CCDC85A: variants seen among roughly 807,000 people sequenced by gnomAD.
CCDC85A encodes coiled-coil domain containing 85A.
A neutral mutation model predicts 50.2 loss-of-function variants in CCDC85A; 38 were observed. The ratio of observed to expected loss-of-function variants is 0.76; its 90% CI spans 0.58 to 0.99. The LOEUF (loss-of-function observed/expected upper bound fraction) is 0.99. Ranked by LOEUF, CCDC85A falls within the 50% of genes least tolerant of loss-of-function variation. The pLI, the probability that CCDC85A is intolerant of heterozygous loss-of-function variation, is 0.00. For missense variants in CCDC85A, 820 were observed against 742.0 expected (o/e 1.11, Z -1.22); for synonymous variants, 366 against 301.4 (o/e 1.21, Z -2.22).
intron 2 of CCDC85A, among the ~76,000 whole-genome samples, chr2:56,196,138 A>G (rs1676511387): frequency 6.6e-6 from 1 of 152,204 alleles, no homozygotes; most frequent in Admixed American, 6.5e-5. Context: ...CTCTCTTAAA[A>G]ACATCTTAAG....
At chr2:56,303,847 A>T (rs1047040687) in intron 2 of CCDC85A, among the ~76,000 whole-genome samples, 1 of 152,140 alleles carries the variant, frequency 6.6e-6, no homozygotes, top group African/African-American at 2.4e-5. Flanking sequence ...GACAAGCAAT[A>T]TGTTGGTTGA....
rs372188935 is a variant in CCDC85A at position 56,332,665 on chromosome 2, C to G, written c.1241-10214C>G. ...TCTGTCTCTCTATCTCTCTCTCCCC[C>G]TCTCTCACTGCCCCCCCTTTTCCCC... On this transcript the variant is annotated intron_variant, in intron 2 of 5. Coordinates refer to ENST00000407595, the MANE Select transcript of CCDC85A (RefSeq NM_001080433.2). Among the ~76,000 whole-genome samples the G allele has an allele frequency of 3.4e-5, 5 of 145,302 alleles. No individual in the cohort carries two copies. In the East Asian group the frequency reaches 1.1e-3, roughly 33 times the overall value.
intron 2 of CCDC85A, among the ~76,000 whole-genome samples, chr2:56,202,911 C>T (rs187227091): frequency 1.8e-4 from 28 of 152,164 alleles, no homozygotes; most frequent in African/African-American, 4.6e-4. Flanking sequence ...GTCATATCTG[C>T]GGATGATGGA....
chr2:56,348,448 C>G (rs1241074109), intron 3 of CCDC85A, among the ~76,000 whole-genome samples: 5 of 152,176 alleles, frequency 3.3e-5, no homozygotes, highest in Non-Finnish European at 5.9e-5. Flanking sequence ...TTCTATTTCT[C>G]TAGTGCTAGC....
At chr2:56,312,564 T>C (rs1157393782) in intron 2 of CCDC85A, among the ~76,000 whole-genome samples, 9 of 152,178 alleles carry the variant, frequency 5.9e-5, no homozygotes. Context: ...AGATTTATGA[T>C]GATTTTATTT....
chr2:56,254,284 C>A (rs1669889238), intron 2 of CCDC85A, among the ~76,000 whole-genome samples: 1 of 152,030 alleles, frequency 6.6e-6, no homozygotes, highest in African/African-American at 2.4e-5. Flanking sequence ...GGGTTCCCAG[C>A]AGTTTCTCTG....
chr2:56,209,912 G>A (rs1407950420), intron 2 of CCDC85A, among the ~76,000 whole-genome samples: 6 of 151,946 alleles, frequency 3.9e-5, no homozygotes, highest in African/African-American at 1.4e-4. Flanking sequence ...AAACTTACTG[G>A]CCCTTGATGT....
chr2:56,241,393 G>A (rs961478730), intron 2 of CCDC85A, among the ~76,000 whole-genome samples: 7 of 152,070 alleles, frequency 4.6e-5, no homozygotes, highest in South Asian at 2.1e-4. Flanking sequence ...TAGTTGCCGC[G>A]TTGTGCTATC....
chr2:56,380,922 C>T (rs1204047577), intron 5 of CCDC85A, among the ~76,000 whole-genome samples: 2 of 152,108 alleles, frequency 1.3e-5, no homozygotes, highest in Non-Finnish European at 2.9e-5. Context: ...ATTCTTTTCT[C>T]TATCCTATCA....
intron 2 of CCDC85A, among the ~76,000 whole-genome samples, chr2:56,303,002 A>G (rs1224833784): frequency 2.0e-5 from 3 of 152,184 alleles, no homozygotes; most frequent in Admixed American, 6.5e-5. Flanking sequence ...GCCTGGCTCC[A>G]TGAAGCAGGT....
rs568215648 is a variant in CCDC85A at position 56,247,350 on chromosome 2, C to CT, written c.1240+53919dup. On this transcript the variant is annotated intron_variant, in intron 2 of 5. Coordinates refer to ENST00000407595, the MANE Select transcript of CCDC85A (RefSeq NM_001080433.2). ...ACTTATCTAGATTGCAGACATGGGT[C>CT]TTTTTTTTTATTCCTGGGGGAAAGA... Among the ~76,000 whole-genome samples the CT allele has an allele frequency of 3.4e-4, 51 of 151,428 alleles. No homozygotes were observed. In the South Asian group the frequency reaches 4.8e-3, roughly 14 times the overall value.
intron 2 of CCDC85A, among the ~76,000 whole-genome samples, chr2:56,327,900 A>G (rs1673560210): frequency 6.6e-6 from 1 of 151,314 alleles, no homozygotes; most frequent in African/African-American, 2.4e-5. Context: ...AGAAATATTT[A>G]CTGAATGCCT....
rs145855334 is a variant in CCDC85A at position 56,259,985 on chromosome 2, C to T, written c.1240+66545C>T. 2.3e-3 allele frequency among the ~76,000 whole-genome samples: 344 copies of T among 152,258 alleles called. 1 individual carries two copies. The highest frequency in any genetic ancestry group is 4.0e-3 in the Non-Finnish European group (271 of 68,032). ...TGTTGCGGGGACTTCATTGGCTATC[C>T]TGCTAAAGTGTTGTCATATTTGAAT... On this transcript the variant is annotated intron_variant, in intron 2 of 5. Transcript: ENST00000407595.
intron 2 of CCDC85A, among the ~76,000 whole-genome samples, chr2:56,281,123 C>T (rs1157240453): frequency 6.6e-5 from 10 of 152,074 alleles, no homozygotes; most frequent in Admixed American, 6.5e-4. Context: ...TAGGTGGCCA[C>T]TATTCTTATT....
chr2:56,311,085 G>C (rs1672671843), intron 2 of CCDC85A, among the ~76,000 whole-genome samples: 1 of 152,016 alleles, frequency 6.6e-6, no homozygotes, highest in Non-Finnish European at 1.5e-5. Flanking sequence ...CTGGTGTTTT[G>C]ACTTATGACA....
intron 3 of CCDC85A, among the ~76,000 whole-genome samples, chr2:56,362,367 C>T (rs1372878242): frequency 6.6e-6 from 1 of 151,812 alleles, no homozygotes; most frequent in Non-Finnish European, 1.5e-5. Flanking sequence ...TGGATGTGTA[C>T]ATGTCAAACT....
At chr2:56,285,175 C>G (rs1277101209) in intron 2 of CCDC85A, among the ~76,000 whole-genome samples, 1 of 151,386 alleles carries the variant, frequency 6.6e-6, no homozygotes, top group African/African-American at 2.4e-5. Context: ...AATCTCAGCT[C>G]ACTGCAGTCT....
intron 2 of CCDC85A, among the ~76,000 whole-genome samples, chr2:56,330,449 T>C (rs1673728256): frequency 6.6e-6 from 1 of 152,224 alleles, no homozygotes; most frequent in Admixed American, 6.5e-5. Context: ...TGCTTCAAAC[T>C]GTCCTGGGAG....
intron 2 of CCDC85A, among the ~76,000 whole-genome samples, chr2:56,241,900 T>C (rs1457478509): frequency 1.3e-5 from 2 of 152,180 alleles, no homozygotes; most frequent in Non-Finnish European, 2.9e-5. Flanking sequence ...TTGAGGAACC[T>C]CCAAATTGTT....
Sources: allele counts gnomAD v4.1 joint callset (sites outside exome capture counted in the v4.1 genomes callset), GRCh38; gene constraint gnomAD v4.1.1; transcripts MANE v1.5; gene names NCBI Gene and HGNC (gene_info 2026-07-23, HGNC 2026-07-21).